TRHDE: variants seen among roughly 807,000 people sequenced by gnomAD.
TRHDE encodes thyrotropin releasing hormone degrading enzyme.
In TRHDE, 72 loss-of-function variants were observed where a neutral mutation model predicts 125.7. The observed-to-expected ratio is 0.57, with a 90% CI of 0.47 to 0.70. TRHDE has a LOEUF of 0.70. Ranked by LOEUF, TRHDE falls within the 30% of genes least tolerant of loss-of-function variation. The pLI is 0.00. For synonymous variants in TRHDE, 509 were observed against 509.1 expected (o/e 1.00, Z 0.00); for missense variants, 1,110 against 1,327.1 (o/e 0.84, Z 2.54).
At chr12:72,377,941 A>T in intron 2 of TRHDE, 54 bp from the exon 3 acceptor site, 1 of 1,297,564 alleles carries the variant, frequency 7.7e-7, no homozygotes, top group African/African-American at 1.5e-5. Context: ...TGCAGGGAAG[A>T]TAAAACTCAA....
intron 9 of TRHDE, among the ~76,000 whole-genome samples, chr12:72,564,219 T>TC (rs1461875519): frequency 7.9e-5 from 12 of 152,148 alleles, no homozygotes; most frequent in Non-Finnish European, 1.6e-4. Context: ...TGCCACACTC[T>TC]CACCACCTTT....
intron 1 of TRHDE, among the ~76,000 whole-genome samples, chr12:72,092,128 A>G (rs1231421258): frequency 6.6e-6 from 1 of 152,246 alleles, no homozygotes; most frequent in African/African-American, 2.4e-5. Flanking sequence ...TGATCTTAGA[A>G]TAGCTAAAGC....
chr12:72,295,053 T>C (rs891987825), intron 2 of TRHDE, among the ~76,000 whole-genome samples: 1 of 150,656 alleles, frequency 6.6e-6, no homozygotes, highest in Non-Finnish European at 1.5e-5. Context: ...CCCCCAAAAG[T>C]GCAGGGATGC....
At chr12:72,111,063 C>A (rs1875304571) in intron 2 of TRHDE, among the ~76,000 whole-genome samples, 1 of 152,126 alleles carries the variant, frequency 6.6e-6, no homozygotes, top group Non-Finnish European at 1.5e-5. Flanking sequence ...CGGTGCTTGT[C>A]ATTACCAGCT....
chr12:72,296,586 A>C (rs1880308649), intron 2 of TRHDE, among the ~76,000 whole-genome samples: 1 of 151,290 alleles, frequency 6.6e-6, no homozygotes, highest in African/African-American at 2.4e-5. Context: ...GGTGGTCTGC[A>C]GCCATGTGGG....
At chr12:72,248,701 T>A (rs954687203) in intron 2 of TRHDE, among the ~76,000 whole-genome samples, 3 of 152,158 alleles carry the variant, frequency 2.0e-5, no homozygotes, top group African/African-American at 7.2e-5. Context: ...TGTTCTCATG[T>A]CTTCTATGCA....
chr12:72,561,531 C>T (rs554808733), intron 7 of TRHDE, among the ~76,000 whole-genome samples: 41 of 152,178 alleles, frequency 2.7e-4, no homozygotes, highest in Admixed American at 9.2e-4. Context: ...TAGGTTTTAC[C>T]ACTAATAACT....
At chr12:72,596,880 G>A (rs959318848) in intron 12 of TRHDE, among the ~76,000 whole-genome samples, 9 of 152,156 alleles carry the variant, frequency 5.9e-5, no homozygotes, top group African/African-American at 2.2e-4. Flanking sequence ...TAAAATGATA[G>A]TATCTTTGTT....
At chr12:72,367,153 G>A (rs1012892075) in intron 2 of TRHDE, among the ~76,000 whole-genome samples, 8 of 152,078 alleles carry the variant, frequency 5.3e-5, no homozygotes, top group African/African-American at 1.9e-4. Context: ...CGACTATGGT[G>A]ATGGAGGGTG....
intron 3 of TRHDE, among the ~76,000 whole-genome samples, chr12:72,430,526 T>G (rs1232047310): frequency 6.6e-6 from 1 of 151,010 alleles, no homozygotes; most frequent in East Asian, 1.9e-4. Context: ...TTGAAAAAAC[T>G]AATTCCACAT....
chr12:72,469,081 C>G (rs376649830), intron 3 of TRHDE, among the ~76,000 whole-genome samples: 1 of 152,064 alleles, frequency 6.6e-6, no homozygotes, highest in African/African-American at 2.4e-5. Flanking sequence ...ATAATTAAGG[C>G]TAATGACCTT....
intron 3 of TRHDE, among the ~76,000 whole-genome samples, chr12:72,437,229 G>A (rs1055923141): frequency 2.6e-5 from 4 of 151,766 alleles, no homozygotes; most frequent in Admixed American, 6.6e-5. Flanking sequence ...TAGGAGTAAA[G>A]CACTTCAAAT....
chr12:72,290,865 TC>T (rs1413469458), intron 2 of TRHDE, among the ~76,000 whole-genome samples: 2 of 152,176 alleles, frequency 1.3e-5, no homozygotes, highest in Non-Finnish European at 2.9e-5. Flanking sequence ...AAACTTACCT[TC>T]AGAAGTCACA....
chr12:72,242,016 A>G (rs1314309625), intron 2 of TRHDE, among the ~76,000 whole-genome samples: 2 of 152,194 alleles, frequency 1.3e-5, no homozygotes, highest in Non-Finnish European at 2.9e-5. Flanking sequence ...ATTGAGTTAT[A>G]ACAGTTCTTT....
At chr12:72,561,449 C>T (rs997601063) in intron 7 of TRHDE, among the ~76,000 whole-genome samples, 1 of 152,100 alleles carries the variant, frequency 6.6e-6, no homozygotes, top group South Asian at 2.1e-4. Flanking sequence ...CCAGCCATAA[C>T]TAAATAGCAC....
intron 18 of TRHDE, 138 bp downstream of exon 18, chr12:72,657,146 G>C: frequency 1.8e-6 from 1 of 559,912 alleles, no homozygotes. Flanking sequence ...ACACACACAC[G>C]TTAAAGACTA....
intron 9 of TRHDE, among the ~76,000 whole-genome samples, chr12:72,567,907 T>C (rs10879447): frequency 0.27 from 40,471 of 151,948 alleles, 8,132 homozygotes; most frequent in African/African-American, 0.54. Context: ...AAATGCTTCT[T>C]TTTAATAGTT....
Position 72,592,035 on chromosome 12 carries a change from G to GA in TRHDE, c.2321+16502dup, listed in dbSNP as rs34838567. On this transcript the variant is annotated intron_variant, in intron 12 of 18. Transcript: ENST00000261180. Reference sequence around the variant, plus strand: ...TTTGCAAATTTTTTTCATTAAATTTGAAAAAAAAAGCTTGGCTTTTAATTG... The same window carrying GA: ...TTTGCAAATTTTTTTCATTAAATTTGAAAAAAAAAAGCTTGGCTTTTAATTG... Among the ~76,000 whole-genome samples the GA allele has an allele frequency of 8.1e-5, 12 of 147,618 alleles. No homozygotes were observed. The East Asian group carries it at 1.2e-3, about 15-fold the overall frequency.
intron 2 of TRHDE, among the ~76,000 whole-genome samples, chr12:72,337,148 C>A (rs1043172537): frequency 1.3e-5 from 2 of 152,106 alleles, no homozygotes; most frequent in Admixed American, 6.6e-5. Context: ...TACACGAAGC[C>A]CACTTCGCTG....
Sources: gnomAD v4.1 joint callset for allele counts (sites outside exome capture counted in the v4.1 genomes callset) on GRCh38, gnomAD v4.1.1 for gene constraint, MANE v1.5 for transcripts, NCBI Gene and HGNC (gene_info 2026-07-23, HGNC 2026-07-21) for gene names.